The following FBN1 variants were observed in gnomAD, a reference collection of about 807,000 sequenced individuals.
The protein encoded by FBN1 is fibrillin 1, also known as fibrillin-1.
A neutral mutation model predicts 365.1 loss-of-function variants in FBN1; 29 were observed. The ratio of observed to expected loss-of-function variants is 0.08; its 90% CI spans 0.06 to 0.11. The LOEUF (loss-of-function observed/expected upper bound fraction) is 0.11. Ranked by LOEUF, FBN1 falls within the 10% of genes least tolerant of loss-of-function variation. FBN1 has a pLI of 1.00. For missense variants in FBN1, 2,476 were observed against 3,703.2 expected, an observed-to-expected ratio of 0.67 and a Z score of 8.60; for synonymous variants, 1,210 against 1,270.5, an observed-to-expected ratio of 0.95 and a Z score of 1.01.
intron 6 of FBN1, among the ~76,000 whole-genome samples, chr15:48,575,802 T>TACACACACAC (rs58125518): frequency 1.2e-3 from 170 of 140,220 alleles, no homozygotes; most frequent in Middle Eastern, 7.4e-3. Context: ...AAATGTGAGA[T>TACACACACAC]ACACACACAC....
At chr15:48,509,976 T>C (rs1340907457) in intron 14 of FBN1, 68 bp downstream of exon 14, 10 of 1,546,906 alleles carry the variant, frequency 6.5e-6, no homozygotes, top group Non-Finnish European at 8.9e-6. Context: ...TTATTTGGTC[T>C]TGTTAAAGAC....
intron 15 of FBN1, among the ~76,000 whole-genome samples, 181 bp from the exon 16 acceptor site, chr15:48,505,328 A>G (rs1210305329): frequency 6.6e-6 from 1 of 152,228 alleles, no homozygotes; most frequent in Non-Finnish European, 1.5e-5. Flanking sequence ...AAATCAAGAG[A>G]AATCAACTGT....
At chr15:48,574,771 C>T (rs1396076278) in intron 6 of FBN1, among the ~76,000 whole-genome samples, 1 of 152,150 alleles carries the variant, frequency 6.6e-6, no homozygotes, top group Non-Finnish European at 1.5e-5. Flanking sequence ...CATGTGACAT[C>T]AGATCAGGAC....
chr15:48,456,835 A>AGTGC (rs760513307), intron 43 of FBN1, 73 bp from the exon 44 acceptor site: 218 of 1,111,544 alleles, frequency 2.0e-4, no homozygotes, highest in African/African-American at 4.4e-4. Context: ...CAAGATGGAA[A>AGTGC]GTGCGTGCGT....
chr15:48,463,358 C>T, intron 41 of FBN1, 118 bp from the exon 42 acceptor site: 1 of 1,036,440 alleles, frequency 9.6e-7, no homozygotes. Flanking sequence ...TGTAGCTTGA[C>T]TTTGATAAGG....
chr15:48,445,106 T>TTA (rs201741491), intron 48 of FBN1, among the ~76,000 whole-genome samples: 3,396 of 145,582 alleles, frequency 0.023, 192 homozygotes, highest in East Asian at 0.23. Flanking sequence ...GAAAAAGTGA[T>TTA]TATATATATA....
rs528649124 is a variant in FBN1 at position 48,408,340 on chromosome 15, C to T, written c.*2650G>A. ...AACCCAATTGTCCTTTATTTTGGCTCATCTAATTTACAGACATGATTTCTG... is the reference window on the plus strand; with the variant it reads ...AACCCAATTGTCCTTTATTTTGGCTTATCTAATTTACAGACATGATTTCTG... On this transcript the variant is annotated 3_prime_UTR_variant, in exon 66 of 66. Transcript: ENST00000316623. 1 of 152,678 alleles carries T rather than the reference C, an allele frequency of 6.5e-6. No individual in the cohort carries two copies. The highest frequency in any genetic ancestry group is 1.9e-4 in the East Asian group (1 of 5,184). The allele number at this position is 152,678 out of a possible 1,614,324, so 9.5% of individuals were successfully genotyped here. A position where few individuals can be genotyped will look rare whatever the true frequency, so the allele number is the denominator to read the frequency against.
Position 48,415,729 on chromosome 15 carries a change from C to T in FBN1, c.7858G>A (p.Ala2620Thr), listed in dbSNP as rs771136046. 1 of 1,614,134 alleles carries T rather than the reference C, an allele frequency of 6.2e-7. No homozygotes were observed. The highest frequency in any genetic ancestry group is 1.7e-5 in the Admixed American group (1 of 60,016). ...CTCCCCAGGGTGTTGTGACAGGAGG[C>T]TCCTCCGCAGATGTGAGCGCTGAGG... Reference protein sequence around the residue: ...ECLSAHICGGASCHNTLGSYK... With the variant: ...ECLSAHICGGTSCHNTLGSYK... The change falls in exon 64 of 66, where the codon GCC becomes ACC. Residue 2620 changes from alanine (A) to threonine (T), a missense_variant. Physicochemically the swap from Ala to Thr is moderately conservative, Grantham distance 58 (BLOSUM62 0). Transcript: ENST00000316623.
intron 46 of FBN1, among the ~76,000 whole-genome samples, chr15:48,447,520 GCATCT>G (rs1263055140): frequency 3.1e-4 from 47 of 152,062 alleles, no homozygotes; most frequent in Non-Finnish European, 8.8e-5. Flanking sequence ...ATATGTCTTT[GCATCT>G]CATCACAGCA....
chr15:48,575,870 A>C (rs2140679718), intron 6 of FBN1, among the ~76,000 whole-genome samples: 1 of 152,070 alleles, frequency 6.6e-6, no homozygotes, highest in South Asian at 2.1e-4. Context: ...TGCCATAAAA[A>C]AGAATAAAAT....
intron 34 of FBN1, among the ~76,000 whole-genome samples, chr15:48,473,336 T>G (rs1311807054): frequency 2.0e-5 from 3 of 152,212 alleles, no homozygotes; most frequent in Non-Finnish European, 4.4e-5. Context: ...AACAAAGTGC[T>G]CAGGATAAAT....
intron 6 of FBN1, among the ~76,000 whole-genome samples, chr15:48,539,462 G>A (rs966068550): frequency 6.6e-6 from 1 of 152,088 alleles, no homozygotes; most frequent in Non-Finnish European, 1.5e-5. Context: ...CCCACTCACA[G>A]GATGCAAGAT....
intron 5 of FBN1, among the ~76,000 whole-genome samples, chr15:48,597,541 T>C (rs1210729819): frequency 6.6e-6 from 1 of 152,234 alleles, no homozygotes; most frequent in African/African-American, 2.4e-5. Context: ...ACAGGCATCA[T>C]GGTCTGAAGA....
At chr15:48,609,619 T>C (rs894798401) in intron 4 of FBN1, among the ~76,000 whole-genome samples, 7 of 152,234 alleles carry the variant, frequency 4.6e-5, no homozygotes, top group African/African-American at 1.2e-4. Flanking sequence ...GAGGCACTTA[T>C]CCAACCACTC....
Position 48,472,693 on chromosome 15 carries a change from A to C in FBN1, c.4211-17T>G. The C allele has an allele frequency of 4.3e-6, 7 of 1,614,148 alleles. No individual in the cohort carries two copies. Among genetic ancestry groups the C allele is most frequent in the Non-Finnish European group, 5.9e-6 (7 of 1,180,000 alleles). ...CATCAAGGTCTACAGCCAGAAAGAA[A>C]CACACGTTACTCTTCCTCGGTTAGG... On this transcript the variant is annotated splice_polypyrimidine_tract_variant and intron_variant, in intron 34 of 65. Coordinates refer to ENST00000316623, the MANE Select transcript of FBN1 (RefSeq NM_000138.5).
At chr15:48,443,788 C>G (rs1383999149) in intron 49 of FBN1, among the ~76,000 whole-genome samples, 1 of 151,990 alleles carries the variant, frequency 6.6e-6, no homozygotes, top group South Asian at 2.1e-4. Flanking sequence ...AAGGAAGGCC[C>G]TTGGGAGGCT....
intron 18 of FBN1, among the ~76,000 whole-genome samples, chr15:48,498,516 C>T (rs2043627276): frequency 6.6e-6 from 1 of 152,200 alleles, no homozygotes; most frequent in East Asian, 1.9e-4. Context: ...ATTTCATTCT[C>T]TTTTAACTCA....
At position 48,427,509 on chromosome 15, in the gene FBN1, A is replaced by C. The variant is rs2042986735; in HGVS notation, c.7204+58T>G. On this transcript the variant is annotated intron_variant, in intron 58 of 65. Transcript: ENST00000316623. ...AACTCCATATTTTCATCTGTGTTTC[A>C]CACAAAAAACAAATAAATAGATTCC... The C allele has an allele frequency of 5.8e-6, 9 of 1,553,242 alleles. No homozygotes were observed. In the South Asian group the frequency reaches 1.0e-4, roughly 17 times the overall value.
In FBN1 at chr15:48,445,392, A is replaced by C; in HGVS notation, c.5901T>G (p.Asp1967Glu). The C allele has an allele frequency of 2.5e-6, 4 of 1,612,760 alleles. No homozygotes were observed. Among genetic ancestry groups the C allele is most frequent in the Non-Finnish European group, 3.4e-6 (4 of 1,179,188 alleles). Residue 1967 changes from aspartate (D) to glutamate (E), a missense_variant, in exon 48 of 66, where the codon GAT becomes GAG. Coordinates refer to ENST00000316623, the MANE Select transcript of FBN1 (RefSeq NM_000138.5). ...QCNEGYEVAP[D>E]GRTCVDINEC... The stretch of plus-strand genomic sequence containing the variant: ...TGTACTTACCCACACAGGTCCTCCC[A>C]TCTGGAGCCACCTCATAGCCTTCAT...
Sources: allele counts gnomAD v4.1 joint callset (sites outside exome capture counted in the v4.1 genomes callset), GRCh38; gene constraint gnomAD v4.1.1; transcripts MANE v1.5; gene names NCBI Gene and HGNC (gene_info 2026-07-23, HGNC 2026-07-21).